UNC13A: variants seen among roughly 807,000 people sequenced by gnomAD.
UNC13A encodes unc-13 homolog A.
Under a neutral mutation model 219.7 loss-of-function variants are expected in UNC13A, and 61 were observed. The observed-to-expected ratio is 0.28, with a 90% confidence interval of 0.23 to 0.34. The LOEUF (loss-of-function observed/expected upper bound fraction) is 0.34, where lower values mean the gene tolerates loss of function less well. UNC13A is among the 10% of genes least tolerant of loss of function. The pLI is 1.00. For missense variants in UNC13A, 1,476 were observed against 2,270.3 expected (o/e 0.65, Z 7.11); for synonymous variants, 920 against 884.6 (o/e 1.04, Z -0.71).
chr19:17,655,353 TG>T lies in UNC13A; in HGVS notation c.1312del (p.Gln438ArgfsTer66). 1 of 1,590,010 alleles carries T rather than the reference TG, an allele frequency of 6.3e-7. No individual in the cohort carries two copies. Among genetic ancestry groups the T allele is most frequent in the Admixed American group, 1.8e-5 (1 of 56,396 alleles). On this transcript the variant is annotated frameshift_variant, in exon 11 of 44. Coordinates refer to ENST00000519716, the MANE Select transcript of UNC13A (RefSeq NM_001080421.3). LOFTEE classifies it high-confidence loss of function. Reference protein sequence around the residue: ...SFRPREDEEGQEGQDSMSRAK... With the variant: ...SFRPREDEEGXEGQDSMSRAK... ...CCTGGACATGGAGTCCTGCCCCTCCTGGCCTTCCTCATCCTCTCTCGGCCTG... is the reference window on the plus strand; with the variant it reads ...CCTGGACATGGAGTCCTGCCCCTCCTGCCTTCCTCATCCTCTCTCGGCCTG...
At chr19:17,631,721 T>G (rs1348060659) in intron 28 of UNC13A, among the ~76,000 whole-genome samples, 3 of 152,152 alleles carry the variant, frequency 2.0e-5, no homozygotes, top group African/African-American at 7.2e-5. Context: ...AATGTGGCAT[T>G]TATTCACTCA....
In UNC13A at chr19:17,636,103, C is replaced by T. The variant is rs372372696; in HGVS notation, c.3136G>A (p.Asp1046Asn). The T allele has an allele frequency of 1.2e-5, 20 of 1,609,656 alleles. No individual in the cohort carries two copies. Among genetic ancestry groups the T allele is most frequent in the Admixed American group, 1.7e-5 (1 of 59,328 alleles). Residue 1046 changes from aspartate to asparagine, a missense_variant, in exon 26 of 44, where the codon GAC becomes AAC. Asp to Asn is a conservative substitution (Grantham distance 23). Coordinates refer to ENST00000519716, the MANE Select transcript of UNC13A (RefSeq NM_001080421.3). Reference protein sequence around the residue: ...EEQGPSIKNLDFWSKLITLIV... With the variant: ...EEQGPSIKNLNFWSKLITLIV... ...AGGGTAATCAGCTTGGACCAGAAGTCGAGGTTCTTGATGCTGGGCCCCTGT... is the reference window on the plus strand; with the variant it reads ...AGGGTAATCAGCTTGGACCAGAAGTTGAGGTTCTTGATGCTGGGCCCCTGT...
intron 16 of UNC13A, 45 bp downstream of exon 16, chr19:17,648,386 C>A: frequency 7.3e-7 from 1 of 1,368,436 alleles, no homozygotes; most frequent in Non-Finnish European, 9.5e-7. Flanking sequence ...AGCCCCGGGG[C>A]TCCCCACGCC....
At chr19:17,684,167 T>C (rs1049186159) in intron 1 of UNC13A, among the ~76,000 whole-genome samples, 1 of 152,184 alleles carries the variant, frequency 6.6e-6, no homozygotes, top group Admixed American at 6.5e-5. Context: ...GATCTGGAAG[T>C]AACCCTTCAC....
chr19:17,620,810 C>T (rs2076721596), intron 37 of UNC13A, 88 bp from the exon 38 acceptor site: 4 of 1,488,918 alleles, frequency 2.7e-6, no homozygotes, highest in Non-Finnish European at 3.7e-6. Flanking sequence ...AAAGCACAGT[C>T]TCACTTCCCA....
rs1555782585 is a variant in UNC13A at position 17,656,025 on chromosome 19, C to G, written c.1141G>C (p.Ala381Pro). Residue 381 changes from alanine to proline, a missense_variant, in exon 10 of 44, where the codon GCC (alanine) becomes CCC (proline). Around this residue, in one of 14 missense-constraint regions of UNC13A, gnomAD observed 351 missense variants for 342.6 expected, o/e 1.02. Coordinates refer to ENST00000519716, the MANE Select transcript of UNC13A (RefSeq NM_001080421.3). ...GGGGCCTTGTCCTCCTTCCCTGGGGCAGCTGGCGGGAGGCTGATGCGTTTG... is the reference window on the plus strand; with the variant it reads ...GGGGCCTTGTCCTCCTTCCCTGGGGGAGCTGGCGGGAGGCTGATGCGTTTG... ...DFKRISLPPA[A>P]PGKEDKAPVA... 7 of 1,572,000 alleles carry G rather than the reference C, an allele frequency of 4.5e-6. No individual in the cohort carries two copies. Among genetic ancestry groups the G allele is most frequent in the Non-Finnish European group, 5.2e-6 (6 of 1,158,202 alleles).
chr19:17,679,105 T>C (rs1249894844), intron 1 of UNC13A, among the ~76,000 whole-genome samples: 1 of 151,244 alleles, frequency 6.6e-6, no homozygotes, highest in Non-Finnish European at 1.5e-5. Context: ...AAAATAATAA[T>C]TTAAAAGGGA....
chr19:17,644,525 T>G (rs1258181390), intron 19 of UNC13A, among the ~76,000 whole-genome samples: 1 of 17,938 alleles, frequency 5.6e-5, no homozygotes, highest in Non-Finnish European at 9.3e-5. Flanking sequence ...TTTCTTTTGT[T>G]TTTTTTTTTT....
chr19:17,624,834 G>T lies in UNC13A; in HGVS notation c.4192C>A (p.Gln1398Lys), dbSNP rs754029122. 6.2e-7 allele frequency: 1 copy of T among 1,613,364 alleles called. No homozygotes were observed. Among genetic ancestry groups the T allele is most frequent in the Admixed American group, 1.7e-5 (1 of 59,978 alleles). The change falls in exon 35 of 44, where the codon CAG becomes AAG. Residue 1398 changes from glutamine (Q) to lysine (K), a missense_variant. Gln to Lys is a moderately conservative substitution (Grantham distance 53). This residue lies in a region of UNC13A where 75 missense variants were observed against 100.2 expected (regional missense o/e 0.75). Coordinates refer to ENST00000519716, the MANE Select transcript of UNC13A (RefSeq NM_001080421.3). ...GGGCCCCCTGCAGGTCTCACCGTCT[G>T]GTCAGTGAGGGGCGGCAGGACGATG... ...KTIVLPPLTDQTMIGNLLRKH... is the reference protein window; with the variant it reads ...KTIVLPPLTDKTMIGNLLRKH...
rs1224454361 is a variant in UNC13A at position 17,656,361 on chromosome 19, G to A, written c.805C>T (p.Leu269=). 2 of 1,554,638 alleles carry A rather than the reference G, an allele frequency of 1.3e-6. No homozygotes were observed. The highest frequency in any genetic ancestry group is 3.8e-5 in the Admixed American group (2 of 52,296). ...CTCAGCTGAGAGCTTCCCTGGCTCA[G>A]CTCCCCGGAAGAGGCATAGCGGCTG... The part of the protein sequence containing the change: ...GSSRYASSGE[L]SQGSSQLSED... The change falls in exon 10 of 44, where the codon CTG becomes TTG. Residue 269 remains leucine (L), a synonymous_variant. Coordinates refer to ENST00000519716, the MANE Select transcript of UNC13A (RefSeq NM_001080421.3).
chr19:17,680,401 T>A (rs889216997), intron 1 of UNC13A, among the ~76,000 whole-genome samples: 2 of 146,954 alleles, frequency 1.4e-5, no homozygotes, highest in Non-Finnish European at 3.0e-5. Flanking sequence ...GCGGAGGGCG[T>A]GGGAGGCGCG....
At position 17,649,474 on chromosome 19, in the gene UNC13A, G is replaced by C; in HGVS notation, c.1518+35C>G. 4 of 1,613,860 alleles carry C rather than the reference G, an allele frequency of 2.5e-6. No homozygotes were observed. Among genetic ancestry groups the C allele is most frequent in the Non-Finnish European group, 2.5e-6 (3 of 1,179,798 alleles). ...GTTGTGCACTGCTTATAGCAGGCCT[G>C]CTCTGCTCAGGGAGTAAAGGGCGAG... On this transcript the variant is annotated intron_variant, in intron 13 of 43. Coordinates refer to ENST00000519716, the MANE Select transcript of UNC13A (RefSeq NM_001080421.3). The surrounding 1 kb of genome is among the most constrained non-coding windows in gnomAD (Gnocchi z 4.4).
intron 41 of UNC13A, among the ~76,000 whole-genome samples, chr19:17,612,793 C>T (rs990631019): frequency 1.4e-4 from 21 of 152,194 alleles, no homozygotes; most frequent in Admixed American, 1.1e-3. Flanking sequence ...TGCAGTGAGA[C>T]GAGATCGCAC....
At position 17,649,690 on chromosome 19, in the gene UNC13A, G is replaced by T. The variant is rs2079309156; in HGVS notation, c.1440-103C>A. On this transcript the variant is annotated intron_variant, in intron 12 of 43. Coordinates refer to ENST00000519716, the MANE Select transcript of UNC13A (RefSeq NM_001080421.3). The surrounding 1 kb of genome is among the most constrained non-coding windows in gnomAD (Gnocchi z 4.4). ...CCCCCAGGTGTTAAGGGGTTGAATT[G>T]GGTCCCTCAAAAAAAAGATACGCTG... The T allele has an allele frequency of 8.4e-6, 11 of 1,314,716 alleles. No individual in the cohort carries two copies. The highest frequency in any genetic ancestry group is 1.8e-5 in the Admixed American group (1 of 54,578). 81.4% of individuals were successfully genotyped at this position (1,314,716 alleles called of 1,614,324 possible). A position where few individuals can be genotyped will look rare whatever the true frequency, so the allele number is the denominator to read the frequency against.
intron 16 of UNC13A, among the ~76,000 whole-genome samples, 161 bp from the exon 17 acceptor site, chr19:17,647,653 A>C: frequency 1.5e-5 from 2 of 136,680 alleles, no homozygotes; most frequent in African/African-American, 2.8e-5. Context: ...CAGACCCTTC[A>C]CCCTTCCACC....
intron 42 of UNC13A, among the ~76,000 whole-genome samples, chr19:17,611,468 G>A (rs925558805): frequency 6.6e-6 from 1 of 152,184 alleles, no homozygotes; most frequent in Non-Finnish European, 1.5e-5. Flanking sequence ...ATGAGCCACC[G>A]TGCCTGGCCT....
At position 17,646,009 on chromosome 19, in the gene UNC13A, T is replaced by C. The variant is rs2077022491; in HGVS notation, c.2147A>G (p.Tyr716Cys). ...CTCCCACACCGGGTTGAGGTTCCCA[T>C]AGATGGTTTTTGTCCGTTTCTTGGT... ...GKTKKRTKTI[Y>C]GNLNPVWEEN... Residue 716 changes from tyrosine (Y) to cysteine (C), a missense_variant, in exon 18 of 44, where the codon TAT (tyrosine) becomes TGT (cysteine). Coordinates refer to ENST00000519716, the MANE Select transcript of UNC13A (RefSeq NM_001080421.3). The C allele has an allele frequency of 6.2e-7, 1 of 1,613,378 alleles. No homozygotes were observed.
chr19:17,609,640 C>T (rs2076580536), intron 43 of UNC13A, among the ~76,000 whole-genome samples: 2 of 152,150 alleles, frequency 1.3e-5, no homozygotes, highest in African/African-American at 4.8e-5. Flanking sequence ...GCCCACCATG[C>T]ACTTCCTGCC....
chr19:17,619,171 C>G (rs2076700280), intron 38 of UNC13A: 2 of 572,452 alleles, frequency 3.5e-6, no homozygotes, highest in Non-Finnish European at 6.3e-6. Flanking sequence ...TAGTCCCCCA[C>G]CCTCTCAGCC....
Sources: allele counts gnomAD v4.1 joint callset (sites outside exome capture counted in the v4.1 genomes callset), GRCh38; gene constraint gnomAD v4.1.1; regional missense constraint gnomAD v4.1.1; non-coding constraint Gnocchi (gnomAD v3.1); transcripts MANE v1.5; gene names NCBI Gene and HGNC (gene_info 2026-07-23, HGNC 2026-07-21).